The following RASSF3 variants were observed in gnomAD, a reference collection of about 807,000 sequenced individuals.
The protein encoded by RASSF3 is ras association domain-containing protein 3.
In RASSF3, 19 loss-of-function variants were observed where a neutral mutation model predicts 19.9. The observed-to-expected ratio is 0.96, with a 90% confidence interval of 0.67 to 1.40. The LOEUF (loss-of-function observed/expected upper bound fraction) is 1.40, where lower values mean the gene tolerates loss of function less well. Ranked by LOEUF, RASSF3 falls within the 40% of genes most tolerant of loss-of-function variation. The pLI, the probability that RASSF3 is intolerant of heterozygous loss-of-function variation, is 0.00. For synonymous variants in RASSF3, 110 were observed against 104.2 expected (o/e 1.06, Z -0.34); for missense variants, 306 against 289.8 (o/e 1.06, Z -0.41).
chr12:64,664,193 G>A (rs536454344), intron 1 of RASSF3, among the ~76,000 whole-genome samples: 1 of 152,032 alleles, frequency 6.6e-6, no homozygotes, highest in Non-Finnish European at 1.5e-5. Flanking sequence ...GTCAATCATG[G>A]TTCTTTGCCT....
chr12:64,574,475 A>G (rs534660711), intron 2 of RASSF3, among the ~76,000 whole-genome samples: 85 of 152,274 alleles, frequency 5.6e-4, no homozygotes, highest in South Asian at 1.7e-3. Context: ...ACCTTTTGCT[A>G]TATAATTTTG....
intron 1 of RASSF3, among the ~76,000 whole-genome samples, chr12:64,649,125 A>G (rs1442735448): frequency 6.9e-6 from 1 of 145,342 alleles, no homozygotes; most frequent in Non-Finnish European, 1.5e-5. Context: ...GCTCTTGAAA[A>G]CCCTCTGGCT....
chr12:64,514,638 C>G (rs1308083754), intron 1 of RASSF3, among the ~76,000 whole-genome samples: 1 of 152,130 alleles, frequency 6.6e-6, no homozygotes, highest in African/African-American at 2.4e-5. Flanking sequence ...AGTTCTGCAC[C>G]TGGGTTGTAA....
intron 2 of RASSF3, among the ~76,000 whole-genome samples, chr12:64,597,912 C>A (rs2682731): frequency 0.35 from 52,888 of 151,254 alleles, 10,076 homozygotes; most frequent in Non-Finnish European, 0.43. Context: ...GCTTCCTGAC[C>A]AAATCTTTTA....
At chr12:64,520,555 C>CATACACACAT (rs1868455034) in intron 1 of RASSF3, among the ~76,000 whole-genome samples, 1 of 86,346 alleles carries the variant, frequency 1.2e-5, no homozygotes, top group Non-Finnish European at 2.5e-5. Context: ...CACATACACA[C>CATACACACAT]ATATATATAT....
intron 2 of RASSF3, among the ~76,000 whole-genome samples, chr12:64,563,989 C>T (rs1228309489): frequency 6.6e-6 from 1 of 152,200 alleles, no homozygotes; most frequent in Non-Finnish European, 1.5e-5. Context: ...CTAGCACCCA[C>T]CCCAGCTGGG....
At chr12:64,657,614 C>A (rs1872206682) in intron 1 of RASSF3, among the ~76,000 whole-genome samples, 1 of 152,212 alleles carries the variant, frequency 6.6e-6, no homozygotes, top group Non-Finnish European at 1.5e-5. Context: ...ATGCCCAGGG[C>A]AGGTCTCTGC....
intron 2 of RASSF3, among the ~76,000 whole-genome samples, chr12:64,588,919 C>A (rs1869865639): frequency 6.6e-6 from 1 of 152,044 alleles, no homozygotes; most frequent in East Asian, 1.9e-4. Flanking sequence ...GTGATTGAAT[C>A]TTTTTAACGG....
At chr12:64,655,025 C>A (rs1446173630) in intron 1 of RASSF3, 2 of 152,124 alleles carry the variant, frequency 1.3e-5, no homozygotes, top group African/African-American at 4.8e-5. Flanking sequence ...CTCATTACAC[C>A]AGTACGTATC....
chr12:64,690,521 G>T (rs1027018380), intron 3 of RASSF3, among the ~76,000 whole-genome samples: 6 of 151,950 alleles, frequency 3.9e-5, no homozygotes, highest in Non-Finnish European at 5.9e-5. Context: ...TGTCACCTAG[G>T]CTGGAGTACC....
intron 1 of RASSF3, among the ~76,000 whole-genome samples, chr12:64,675,784 A>T (rs538047794): frequency 6.6e-6 from 1 of 152,106 alleles, no homozygotes; most frequent in African/African-American, 2.4e-5. Flanking sequence ...TGCTGTTCAA[A>T]GCATGAACAA....
At chr12:64,575,204 A>C (rs1352932989) in intron 2 of RASSF3, among the ~76,000 whole-genome samples, 1 of 152,240 alleles carries the variant, frequency 6.6e-6, no homozygotes, top group African/African-American at 2.4e-5. Flanking sequence ...ACACACATAA[A>C]CCAATTGTAT....
chr12:64,510,286 A>G (rs1868320972), intron 1 of RASSF3, among the ~76,000 whole-genome samples: 1 of 152,150 alleles, frequency 6.6e-6, no homozygotes, highest in Non-Finnish European at 1.5e-5. Flanking sequence ...AGACAGCCCT[A>G]TGGAATTTTG....
chr12:64,528,086 T>C (rs1245710889), intron 1 of RASSF3, among the ~76,000 whole-genome samples: 2 of 152,094 alleles, frequency 1.3e-5, no homozygotes, highest in Non-Finnish European at 2.9e-5. Flanking sequence ...TAGTGAGATC[T>C]TGTCTCTAAA....
intron 2 of RASSF3, among the ~76,000 whole-genome samples, chr12:64,553,569 C>T (rs545362040): frequency 2.6e-5 from 4 of 152,284 alleles, no homozygotes; most frequent in South Asian, 2.1e-4. Flanking sequence ...CAGAAGGAGA[C>T]GAGACCTTGG....
intron 1 of RASSF3, among the ~76,000 whole-genome samples, chr12:64,518,994 T>TA (rs1441561808): frequency 3.9e-5 from 6 of 152,206 alleles, no homozygotes; most frequent in Non-Finnish European, 2.9e-5. Flanking sequence ...GCAGGTTCAT[T>TA]ACTTTTATTC....
intron 1 of RASSF3, among the ~76,000 whole-genome samples, chr12:64,674,194 T>C (rs1872798310): frequency 6.6e-6 from 1 of 152,240 alleles, no homozygotes; most frequent in Admixed American, 6.5e-5. Flanking sequence ...TCAAACTTTG[T>C]ATCTGGCATT....
chr12:64,674,746 G>A (rs886347915), intron 1 of RASSF3, among the ~76,000 whole-genome samples: 1 of 152,116 alleles, frequency 6.6e-6, no homozygotes, highest in Non-Finnish European at 1.5e-5. Flanking sequence ...GGTTAGGACG[G>A]CTTCCTGGGT....
intron 1 of RASSF3, among the ~76,000 whole-genome samples, chr12:64,535,459 G>C (rs1325964571): frequency 6.6e-6 from 1 of 152,012 alleles, no homozygotes; most frequent in Non-Finnish European, 1.5e-5. Context: ...CAACTTCCCA[G>C]GCTCAAGTGA....
Sources: gnomAD v4.1 joint callset for allele counts (sites outside exome capture counted in the v4.1 genomes callset) on GRCh38, gnomAD v4.1.1 for gene constraint, MANE v1.5 for transcripts, NCBI Gene and HGNC (gene_info 2026-07-23, HGNC 2026-07-21) for gene names.